Variants in ITPR1 observed in about 807,000 individuals in gnomAD.
The protein encoded by ITPR1 is inositol 1,4,5-trisphosphate receptor type 1, also known as inositol 1,4,5-trisphosphate-gated calcium channel ITPR1.
ITPR1 carries 96 observed loss-of-function variants against 318.4 expected under a neutral mutation model. The ratio of observed to expected loss-of-function variants is 0.30; its 90% CI spans 0.26 to 0.36. The LOEUF (loss-of-function observed/expected upper bound fraction) is 0.36, where lower values mean the gene tolerates loss of function less well. Ranked by LOEUF, ITPR1 falls within the 10% of genes least tolerant of loss-of-function variation. The pLI is 1.00. For missense variants in ITPR1, 2,440 were observed against 3,460.2 expected, an observed-to-expected ratio of 0.71 and a Z score of 7.40; for synonymous variants, 1,312 against 1,289.9, an observed-to-expected ratio of 1.02 and a Z score of -0.37.
intron 4 of ITPR1, among the ~76,000 whole-genome samples, chr3:4,579,007 C>A (rs1030785457): frequency 6.6e-6 from 1 of 152,144 alleles, no homozygotes; most frequent in East Asian, 1.9e-4. Context: ...TGTGATATTG[C>A]TGATTTTGCT....
intron 61 of ITPR1, 122 bp from the exon 62 acceptor site, chr3:4,846,017 A>T (rs1643551214): frequency 1.8e-6 from 1 of 551,340 alleles, no homozygotes; most frequent in Non-Finnish European, 3.2e-6. Context: ...GCGATGGTAC[A>T]CTATTTGTAG....
intron 8 of ITPR1, among the ~76,000 whole-genome samples, chr3:4,644,844 C>T (rs2093419354): frequency 6.6e-6 from 1 of 152,156 alleles, no homozygotes; most frequent in South Asian, 2.1e-4. Flanking sequence ...ATATCAGTTT[C>T]CTTATCTCTG....
At chr3:4,604,737 C>G (rs182851982) in intron 4 of ITPR1, among the ~76,000 whole-genome samples, 7 of 152,082 alleles carry the variant, frequency 4.6e-5, no homozygotes, top group Admixed American at 4.6e-4. Context: ...TTGGGGAGGA[C>G]CTGTGACTAC....
chr3:4,620,680 GTTTTTT>G (rs66922925), intron 4 of ITPR1, among the ~76,000 whole-genome samples: 13 of 128,152 alleles, frequency 1.0e-4, no homozygotes, highest in South Asian at 2.4e-4. Context: ...TTCTTTGTGG[GTTTTTT>G]TTTTTTTTTT....
At chr3:4,797,114 G>A (rs913258372) in intron 53 of ITPR1, among the ~76,000 whole-genome samples, 11 of 151,914 alleles carry the variant, frequency 7.2e-5, no homozygotes, top group African/African-American at 2.7e-4. Flanking sequence ...GGACTAAACT[G>A]AGAGCATAAT....
At chr3:4,608,225 C>A (rs1388193717) in intron 4 of ITPR1, among the ~76,000 whole-genome samples, 2 of 152,116 alleles carry the variant, frequency 1.3e-5, no homozygotes, top group East Asian at 1.9e-4. Flanking sequence ...TTGATTTACT[C>A]CAGAATCCTC....
intron 10 of ITPR1, among the ~76,000 whole-genome samples, chr3:4,650,453 C>G (rs1295338884): frequency 6.6e-6 from 1 of 152,082 alleles, no homozygotes; most frequent in Non-Finnish European, 1.5e-5. Context: ...GATCCATTGT[C>G]TTTTGGCTTG....
At chr3:4,786,460 A>G (rs1453318781) in intron 51 of ITPR1, among the ~76,000 whole-genome samples, 1 of 152,154 alleles carries the variant, frequency 6.6e-6, no homozygotes, top group Non-Finnish European at 1.5e-5. Context: ...CTACAGCTTG[A>G]CCTGAGTCAC....
At chr3:4,780,400 C>T (rs988901598) in intron 49 of ITPR1, among the ~76,000 whole-genome samples, 8 of 152,038 alleles carry the variant, frequency 5.3e-5, no homozygotes, top group African/African-American at 1.4e-4. Flanking sequence ...AAAGAAAACA[C>T]GATCTGGTTT....
chr3:4,782,782 A>G (rs752645415), intron 50 of ITPR1, 41 bp downstream of exon 50: 2 of 1,417,472 alleles, frequency 1.4e-6, no homozygotes, highest in South Asian at 1.8e-5. Context: ...CTGCCTCCCT[A>G]CAGGTCCAAA....
intron 4 of ITPR1, 111 bp from the exon 5 acceptor site, chr3:4,627,652 T>C (rs536347927): frequency 4.4e-6 from 3 of 685,278 alleles, no homozygotes; most frequent in East Asian, 5.3e-5. Flanking sequence ...TTTATATCTA[T>C]GTATGATGTA....
At chr3:4,660,633 A>C (rs186562269) in intron 13 of ITPR1, among the ~76,000 whole-genome samples, 7 of 152,300 alleles carry the variant, frequency 4.6e-5, no homozygotes, top group Non-Finnish European at 1.0e-4. Context: ...GAAAATTTCA[A>C]TCATTGCTGT....
At chr3:4,695,671 T>G (rs759017133) in intron 33 of ITPR1, among the ~76,000 whole-genome samples, 9 of 152,228 alleles carry the variant, frequency 5.9e-5, no homozygotes, top group Non-Finnish European at 1.2e-4. Context: ...GTTTTGGACT[T>G]CTTCTGTGTA....
At chr3:4,669,588 A>T (rs1190966748) in intron 18 of ITPR1, 66 bp from the exon 19 acceptor site, 1 of 1,503,922 alleles carries the variant, frequency 6.6e-7, no homozygotes, top group African/African-American at 1.4e-5. Context: ...TTAAGGAAGA[A>T]TTGGGGTCCA....
chr3:4,731,816 A>AT, intron 42 of ITPR1, among the ~76,000 whole-genome samples: 1 of 152,232 alleles, frequency 6.6e-6, no homozygotes, highest in South Asian at 2.1e-4. Flanking sequence ...TGTTTTGCAA[A>AT]TGCCTCACTT....
At chr3:4,831,378 C>T (rs2050498201) in intron 60 of ITPR1, 1 of 249,898 alleles carries the variant, frequency 4.0e-6, no homozygotes, top group East Asian at 8.8e-5. Context: ...CTTGCTGTGA[C>T]GGGAACTGTA....
At chr3:4,609,108 G>A (rs1230269046) in intron 4 of ITPR1, among the ~76,000 whole-genome samples, 1 of 102,904 alleles carries the variant, frequency 9.7e-6, no homozygotes, top group Non-Finnish European at 1.9e-5. Context: ...ACGTATGTCA[G>A]TGGTGGTGTT....
chr3:4,728,319 C>T (rs545679873), intron 42 of ITPR1, among the ~76,000 whole-genome samples: 3 of 152,314 alleles, frequency 2.0e-5, no homozygotes, highest in South Asian at 2.1e-4. Context: ...AGGCTTCATC[C>T]GCATTTCACA....
intron 44 of ITPR1, among the ~76,000 whole-genome samples, chr3:4,753,333 C>A (rs116282683): frequency 0.017 from 2,527 of 152,224 alleles, 69 homozygotes; most frequent in African/African-American, 0.058. Flanking sequence ...TTGGGCCTGT[C>A]CCCTGCTTGG....
Sources: allele counts gnomAD v4.1 joint callset (sites outside exome capture counted in the v4.1 genomes callset), GRCh38; gene constraint gnomAD v4.1.1; transcripts MANE v1.5; gene names NCBI Gene and HGNC (gene_info 2026-07-23, HGNC 2026-07-21).